EPM2A: variants seen among roughly 807,000 people sequenced by gnomAD.
EPM2A encodes the protein EPM2A glucan phosphatase, laforin.
A neutral mutation model predicts 26.5 loss-of-function variants in EPM2A; 21 were observed. The ratio of observed to expected loss-of-function variants is 0.79; its 90% CI spans 0.56 to 1.14. EPM2A has a LOEUF of 1.14. Ranked by LOEUF, EPM2A falls within the 50% of genes most tolerant of loss-of-function variation. The pLI is 0.00. For missense variants in EPM2A, 458 were observed against 440.8 expected (o/e 1.04, Z -0.35); for synonymous variants, 217 against 177.6 (o/e 1.22, Z -1.76).
intron 1 of EPM2A, among the ~76,000 whole-genome samples, chr6:145,708,209 C>A (rs1583096094): frequency 6.6e-6 from 1 of 152,116 alleles, no homozygotes; most frequent in Non-Finnish European, 1.5e-5. Context: ...AAATTTGCAG[C>A]CTGATGATGC....
intron 4 of EPM2A, among the ~76,000 whole-genome samples, chr6:145,485,542 G>A (rs1779660731): frequency 2.0e-5 from 3 of 152,082 alleles, no homozygotes; most frequent in Non-Finnish European, 4.4e-5. Context: ...AAGCAAACAG[G>A]GTTGAAAATA....
chr6:145,533,363 A>C (rs922071778), intron 2 of EPM2A, among the ~76,000 whole-genome samples: 2 of 151,756 alleles, frequency 1.3e-5, no homozygotes, highest in Non-Finnish European at 2.9e-5. Flanking sequence ...GTTTTGCCCC[A>C]CTCTTCTCTA....
chr6:145,735,665 G>A (rs2072911), upstream of EPM2A: 611,463 of 1,080,896 alleles, frequency 0.57, 174,314 homozygotes, highest in East Asian at 0.68. Flanking sequence ...CGCGGCTCCC[G>A]AGCCCAGACT....
chr6:145,485,761 G>T (rs1426417449), intron 4 of EPM2A, among the ~76,000 whole-genome samples: 1 of 152,182 alleles, frequency 6.6e-6, no homozygotes, highest in Non-Finnish European at 1.5e-5. Flanking sequence ...TAGAGAAAAA[G>T]AGGTTTAATG....
chr6:145,702,340 A>AT (rs1321058645), intron 1 of EPM2A, among the ~76,000 whole-genome samples: 1 of 152,206 alleles, frequency 6.6e-6, no homozygotes, highest in African/African-American at 2.4e-5. Context: ...GAAAGACAGT[A>AT]TTTTATAGCA....
At chr6:145,392,180 T>C (rs923603489) in intron 4 of EPM2A, among the ~76,000 whole-genome samples, 1 of 152,202 alleles carries the variant, frequency 6.6e-6, no homozygotes, top group African/African-American at 2.4e-5. Flanking sequence ...ATTAGTTTGT[T>C]TATTGGCACA....
At chr6:145,687,189 G>C (rs954184487) in intron 1 of EPM2A, among the ~76,000 whole-genome samples, 1 of 152,086 alleles carries the variant, frequency 6.6e-6, no homozygotes, top group Non-Finnish European at 1.5e-5. Context: ...AGGTCATGAA[G>C]AAGAACCCTC....
intron 4 of EPM2A, among the ~76,000 whole-genome samples, chr6:145,471,439 T>A (rs958776087): frequency 2.8e-4 from 42 of 152,176 alleles, no homozygotes; most frequent in African/African-American, 1.0e-3. Flanking sequence ...AACACAATCA[T>A]GAGAATGAAA....
At chr6:145,447,611 T>C (rs1159988681) in intron 4 of EPM2A, among the ~76,000 whole-genome samples, 1 of 152,148 alleles carries the variant, frequency 6.6e-6, no homozygotes, top group Non-Finnish European at 1.5e-5. Flanking sequence ...TACAAGAATA[T>C]ACACTGAACA....
chr6:145,416,192 C>G (rs1283524742), intron 4 of EPM2A, among the ~76,000 whole-genome samples: 3 of 150,954 alleles, frequency 2.0e-5, no homozygotes, highest in Non-Finnish European at 4.4e-5. Context: ...TAAATAGAAG[C>G]ATGAGTTTAG....
intron 2 of EPM2A, among the ~76,000 whole-genome samples, chr6:145,506,959 A>G (rs1436965275): frequency 6.6e-6 from 1 of 152,230 alleles, no homozygotes; most frequent in Non-Finnish European, 1.5e-5. Flanking sequence ...GCCATCCTTA[A>G]GCAGTCAACA....
chr6:145,587,146 G>A (rs531727772), intron 2 of EPM2A, among the ~76,000 whole-genome samples: 1 of 152,234 alleles, frequency 6.6e-6, no homozygotes, highest in East Asian at 1.9e-4. Context: ...CAATAGCCAT[G>A]TAATTATAGA....
At chr6:145,532,143 A>T (rs1235449847) in intron 2 of EPM2A, among the ~76,000 whole-genome samples, 1 of 152,240 alleles carries the variant, frequency 6.6e-6, no homozygotes, top group Non-Finnish European at 1.5e-5. Context: ...CGGAATAAGA[A>T]CAATGACTGC....
At chr6:145,720,386 T>C (rs4896841) in intron 1 of EPM2A, among the ~76,000 whole-genome samples, 95,921 of 152,098 alleles carry the variant, frequency 0.63, 30,726 homozygotes, top group East Asian at 0.74. Context: ...TACTCATATA[T>C]ATTAAGTAAA....
At chr6:145,704,930 CT>C (rs774168423) in intron 1 of EPM2A, among the ~76,000 whole-genome samples, 88 of 152,138 alleles carry the variant, frequency 5.8e-4, no homozygotes, top group Non-Finnish European at 1.0e-3. Flanking sequence ...AAAACTTATG[CT>C]TTAAGACAGC....
At chr6:145,408,145 T>G (rs1778594376) in intron 4 of EPM2A, among the ~76,000 whole-genome samples, 1 of 152,174 alleles carries the variant, frequency 6.6e-6, no homozygotes, top group South Asian at 2.1e-4. Context: ...TATCTCTTAT[T>G]TCTGTGCCTA....
chr6:145,518,650 A>G (rs927996269), intron 2 of EPM2A, among the ~76,000 whole-genome samples: 1 of 151,562 alleles, frequency 6.6e-6, no homozygotes, highest in Non-Finnish European at 1.5e-5. Context: ...TAGTAAGTCT[A>G]CTAATCGCTT....
At chr6:145,688,660 T>A (rs1304266645) in intron 1 of EPM2A, among the ~76,000 whole-genome samples, 1 of 152,054 alleles carries the variant, frequency 6.6e-6, no homozygotes, top group Non-Finnish European at 1.5e-5. Flanking sequence ...GGAACATAGA[T>A]GAGTCACAAA....
intron 4 of EPM2A, among the ~76,000 whole-genome samples, chr6:145,397,423 A>C (rs893415293): frequency 1.3e-5 from 2 of 152,186 alleles, no homozygotes. Context: ...CTTGGGCAAC[A>C]GAGCAAGAGC....
Sources: gnomAD v4.1 joint callset for allele counts (sites outside exome capture counted in the v4.1 genomes callset) on GRCh38, gnomAD v4.1.1 for gene constraint, MANE v1.5 for transcripts, NCBI Gene and HGNC (gene_info 2026-07-23, HGNC 2026-07-21) for gene names.